Variants in FSTL5 observed in about 807,000 individuals in gnomAD.
The protein encoded by FSTL5 is follistatin like 5.
FSTL5 carries 62 observed loss-of-function variants against 89.1 expected under a neutral mutation model. The observed-to-expected ratio is 0.70, with a 90% CI of 0.57 to 0.86. The LOEUF (loss-of-function observed/expected upper bound fraction) is 0.86. Among genes scored for constraint, FSTL5 ranks in the 40% least tolerant of loss-of-function variants. The pLI is 0.00. For missense variants in FSTL5, 1,057 were observed against 1,001.6 expected, an observed-to-expected ratio of 1.06 and a Z score of -0.75; for synonymous variants, 383 against 346.2, an observed-to-expected ratio of 1.11 and a Z score of -1.18.
At chr4:161,451,840 TCTTTA>T (rs2126393431) in intron 15 of FSTL5, among the ~76,000 whole-genome samples, 1 of 152,324 alleles carries the variant, frequency 6.6e-6, no homozygotes, top group Admixed American at 6.5e-5. Flanking sequence ...CTTTCTTCCT[TCTTTA>T]CTTCCATTCC....
At chr4:162,064,706 T>C (rs1224430419) in intron 2 of FSTL5, among the ~76,000 whole-genome samples, 2 of 152,008 alleles carry the variant, frequency 1.3e-5, no homozygotes, top group Non-Finnish European at 2.9e-5. Flanking sequence ...CAATTTCATA[T>C]ATATACAAGC....
chr4:161,976,631 G>A (rs1197722541), intron 3 of FSTL5, among the ~76,000 whole-genome samples: 2 of 152,080 alleles, frequency 1.3e-5, no homozygotes, highest in East Asian at 2.0e-4. Context: ...ACAGGCGCCC[G>A]CCACCACGCC....
chr4:161,570,820 T>C (rs1363660611), intron 8 of FSTL5, among the ~76,000 whole-genome samples: 1 of 152,122 alleles, frequency 6.6e-6, no homozygotes, highest in Non-Finnish European at 1.5e-5. Flanking sequence ...TCTATGGAGT[T>C]AAGGCTCCAA....
chr4:161,700,640 G>A (rs999072436), intron 6 of FSTL5, among the ~76,000 whole-genome samples: 1 of 152,058 alleles, frequency 6.6e-6, no homozygotes, highest in African/African-American at 2.4e-5. Flanking sequence ...GCCTCCCAAA[G>A]TGCTGGGATT....
intron 1 of FSTL5, among the ~76,000 whole-genome samples, chr4:162,143,345 T>G (rs887337694): frequency 1.3e-5 from 2 of 152,160 alleles, no homozygotes; most frequent in African/African-American, 2.4e-5. Flanking sequence ...TTGATTTAAT[T>G]CAATTTTATT....
intron 6 of FSTL5, among the ~76,000 whole-genome samples, chr4:161,692,749 G>C (rs1022053843): frequency 6.6e-6 from 1 of 152,084 alleles, no homozygotes; most frequent in African/African-American, 2.4e-5. Flanking sequence ...TTTTGTGACA[G>C]AGTCTTGCTC....
chr4:161,524,148 T>G (rs1297561322), intron 10 of FSTL5, among the ~76,000 whole-genome samples: 1 of 152,138 alleles, frequency 6.6e-6, no homozygotes, highest in Non-Finnish European at 1.5e-5. Flanking sequence ...TTCATCTACA[T>G]AGTAAAACTT....
chr4:162,126,487 T>A (rs1403176286), intron 1 of FSTL5, among the ~76,000 whole-genome samples: 4 of 152,118 alleles, frequency 2.6e-5, no homozygotes. Context: ...CCCTTTTTAT[T>A]AAACTTACTT....
chr4:161,887,392 C>CATCTATCTATCTATCTATCTATCT lies in FSTL5; in HGVS notation c.409+32988_409+33011dup, dbSNP rs60103951. Among the ~76,000 whole-genome samples, 119 of 133,140 alleles carry CATCTATCTATCTATCTATCTATCT rather than the reference C, an allele frequency of 8.9e-4. 1 individual carries two copies. The highest frequency in any genetic ancestry group is 2.8e-3 in the African/African-American group (106 of 37,762). 87.3% of individuals were successfully genotyped at this position (133,140 alleles called of 152,430 possible). A position where few individuals can be genotyped will look rare whatever the true frequency, so the allele number is the denominator to read the frequency against. ...TCTGTTTTGTATTATCTCTATCTAT[C>CATCTATCTATCTATCTATCTATCT]ATCTATCTATCTATCTATCTATCTA... On this transcript the variant is annotated intron_variant, in intron 4 of 15. Coordinates refer to ENST00000306100, the MANE Select transcript of FSTL5 (RefSeq NM_020116.5).
chr4:161,423,204 C>T (rs893343524), intron 15 of FSTL5, among the ~76,000 whole-genome samples: 1 of 152,092 alleles, frequency 6.6e-6, no homozygotes, highest in African/African-American at 2.4e-5. Context: ...TTTCCAAGTT[C>T]ATGACTTGAC....
intron 10 of FSTL5, among the ~76,000 whole-genome samples, chr4:161,514,275 G>T (rs970289427): frequency 6.6e-6 from 1 of 151,420 alleles, no homozygotes; most frequent in Non-Finnish European, 1.5e-5. Context: ...ACACACCATG[G>T]AATACTACTC....
intron 10 of FSTL5, among the ~76,000 whole-genome samples, chr4:161,536,526 T>C (rs560409832): frequency 2.4e-4 from 37 of 152,290 alleles, no homozygotes; most frequent in African/African-American, 7.9e-4. Flanking sequence ...ACATTTTCTG[T>C]TTATACTTTT....
chr4:161,428,923 C>T (rs1258241970), intron 15 of FSTL5, among the ~76,000 whole-genome samples: 1 of 151,992 alleles, frequency 6.6e-6, no homozygotes, highest in African/African-American at 2.4e-5. Context: ...CAAGCAGGCT[C>T]TTGAGGTTTG....
chr4:162,131,438 C>A (rs561498960), intron 1 of FSTL5, among the ~76,000 whole-genome samples: 6 of 152,252 alleles, frequency 3.9e-5, no homozygotes, highest in African/African-American at 1.4e-4. Flanking sequence ...GACCTGTTGT[C>A]CACTTAGGAA....
intron 6 of FSTL5, among the ~76,000 whole-genome samples, chr4:161,734,957 C>A (rs746674310): frequency 6.6e-6 from 1 of 152,154 alleles, no homozygotes; most frequent in Non-Finnish European, 1.5e-5. Flanking sequence ...TCCTCCAACT[C>A]AATTCATTTC....
At chr4:162,103,901 C>T (rs1053324275) in intron 2 of FSTL5, among the ~76,000 whole-genome samples, 6 of 152,168 alleles carry the variant, frequency 3.9e-5, no homozygotes, top group Non-Finnish European at 7.3e-5. Context: ...GAGAGCACAG[C>T]GGGAGAGACA....
Position 161,542,545 on chromosome 4 carries a change from T to C in FSTL5, c.1164A>G (p.Gln388=). 1 of 1,500,352 alleles carries C rather than the reference T, an allele frequency of 6.7e-7. No individual in the cohort carries two copies. The highest frequency in any genetic ancestry group is 8.9e-7 in the Non-Finnish European group (1 of 1,119,706). 92.9% of individuals were successfully genotyped at this position (1,500,352 alleles called of 1,614,324 possible). A position where few individuals can be genotyped will look rare whatever the true frequency, so the allele number is the denominator to read the frequency against. ...AGTAAAAAGCACCTTGAAGCGTGAG[T>C]TGTTTGGAAAGCTTTGGTGTAATAT... ...GIDITPKLSK[Q]LTLQANGSEV... Residue 388 remains glutamine, a synonymous_variant, in exon 9 of 16, where the codon CAA becomes CAG. Transcript: ENST00000306100.
intron 15 of FSTL5, among the ~76,000 whole-genome samples, chr4:161,401,400 GT>G (rs1731174045): frequency 6.6e-6 from 1 of 152,148 alleles, no homozygotes; most frequent in Non-Finnish European, 1.5e-5. Flanking sequence ...CATTGGTTTG[GT>G]TTTTGTGTGA....
At chr4:161,555,102 T>A (rs1732344765) in intron 8 of FSTL5, among the ~76,000 whole-genome samples, 1 of 151,630 alleles carries the variant, frequency 6.6e-6, no homozygotes, top group Non-Finnish European at 1.5e-5. Context: ...AGGCAAAATA[T>A]AAATTAAGAG....
Sources: allele counts gnomAD v4.1 joint callset (sites outside exome capture counted in the v4.1 genomes callset), GRCh38; gene constraint gnomAD v4.1.1; transcripts MANE v1.5; gene names NCBI Gene and HGNC (gene_info 2026-07-23, HGNC 2026-07-21).